Variants in DLGAP2 observed in about 807,000 individuals in gnomAD.
The protein encoded by DLGAP2 is disks large-associated protein 2.
DLGAP2 carries 26 observed loss-of-function variants against 100.3 expected under a neutral mutation model. The observed-to-expected ratio is 0.26, with a 90% confidence interval of 0.19 to 0.36. The LOEUF (loss-of-function observed/expected upper bound fraction) is 0.36. DLGAP2 is among the 10% of genes least tolerant of loss of function. The probability of loss-of-function intolerance (pLI) is 1.00; values close to 1 mark genes in which losing one functional copy is unlikely to be tolerated. For missense variants in DLGAP2, 1,858 were observed against 1,453.2 expected (o/e 1.28, Z -4.53); for synonymous variants, 886 against 630.1 (o/e 1.41, Z -6.08).
At chr8:1,030,487 G>T (rs1035323322) in intron 2 of DLGAP2, among the ~76,000 whole-genome samples, 2 of 152,198 alleles carry the variant, frequency 1.3e-5, no homozygotes, top group Non-Finnish European at 2.9e-5. Context: ...GGTGCTCACG[G>T]ACTCGGCTGT....
intron 3 of DLGAP2, among the ~76,000 whole-genome samples, chr8:1,331,458 G>T (rs531005300): frequency 9.2e-5 from 14 of 152,248 alleles, no homozygotes; most frequent in African/African-American, 3.1e-4. Flanking sequence ...GCACCATGCC[G>T]GGCAAACAAC....
At chr8:830,409 T>A (rs1356564490) in intron 1 of DLGAP2, among the ~76,000 whole-genome samples, 1 of 152,156 alleles carries the variant, frequency 6.6e-6, no homozygotes, top group African/African-American at 2.4e-5. Flanking sequence ...ATTCTTTCCA[T>A]TTTTTTGGAC....
chr8:1,200,319 C>G (rs938517745), intron 2 of DLGAP2, among the ~76,000 whole-genome samples: 43 of 152,362 alleles, frequency 2.8e-4, no homozygotes, highest in African/African-American at 9.9e-4. Flanking sequence ...TCTTTTCTCA[C>G]TGAGCTCAGT....
At chr8:1,165,211 A>G (rs1796991139) in intron 2 of DLGAP2, among the ~76,000 whole-genome samples, 1 of 98,340 alleles carries the variant, frequency 1.0e-5, no homozygotes. Context: ...GTAGAGGGGG[A>G]GATGGGGGGG....
intron 3 of DLGAP2, among the ~76,000 whole-genome samples, chr8:1,472,118 C>T (rs1798819584): frequency 6.6e-6 from 1 of 152,240 alleles, no homozygotes; most frequent in Non-Finnish European, 1.5e-5. Flanking sequence ...ACAAGTGCCC[C>T]TCCACAGTGA....
chr8:1,216,790 C>T (rs756489059), intron 2 of DLGAP2, among the ~76,000 whole-genome samples: 1 of 152,130 alleles, frequency 6.6e-6, no homozygotes, highest in African/African-American at 2.4e-5. Context: ...TTTTCTGAAT[C>T]TGTTATGAAG....
chr8:1,668,882 C>T (rs561193042), intron 9 of DLGAP2, among the ~76,000 whole-genome samples: 5 of 152,322 alleles, frequency 3.3e-5, no homozygotes, highest in East Asian at 1.9e-4. Flanking sequence ...CGAGGTGATG[C>T]GGACCCCAGT....
chr8:1,162,469 T>A lies in DLGAP2; in HGVS notation c.74-96382T>A, dbSNP rs188192158. ...TACTCGTGGAAGAGAAATATGCAAC[T>A]CACTGCTAGCATCACTAGGAACAGA... is the stretch of plus-strand genomic sequence containing the variant. On this transcript the variant is annotated intron_variant, in intron 2 of 14. Transcript: ENST00000637795. 1.8e-3 allele frequency among the ~76,000 whole-genome samples: 269 copies of A among 152,316 alleles called. 2 individuals carry two copies. The highest frequency in any genetic ancestry group is 0.017 in the South Asian group (84 of 4,826).
At chr8:1,332,931 A>G (rs1175697460) in intron 3 of DLGAP2, among the ~76,000 whole-genome samples, 1 of 152,118 alleles carries the variant, frequency 6.6e-6, no homozygotes, top group Non-Finnish European at 1.5e-5. Flanking sequence ...GTTTCCTCAG[A>G]GAGCCCCCAG....
intron 2 of DLGAP2, among the ~76,000 whole-genome samples, chr8:928,965 A>AC (rs773950396): frequency 0.1 from 12,128 of 118,778 alleles, 931 homozygotes; most frequent in Admixed American, 0.22. Context: ...AAAGATGAAG[A>AC]CCCCCCCCGC....
intron 2 of DLGAP2, among the ~76,000 whole-genome samples, chr8:915,803 G>A (rs1267539870): frequency 2.0e-5 from 3 of 151,588 alleles, no homozygotes; most frequent in African/African-American, 4.9e-5. Context: ...TTAACCATGA[G>A]TCCTCCTCAT....
At chr8:1,136,025 C>T (rs1444945153) in intron 2 of DLGAP2, among the ~76,000 whole-genome samples, 1 of 152,196 alleles carries the variant, frequency 6.6e-6, no homozygotes, top group Non-Finnish European at 1.5e-5. Flanking sequence ...AGTCAAGAAG[C>T]TCATTCTCTT....
chr8:772,904 T>G (rs1327401820), intron 1 of DLGAP2, among the ~76,000 whole-genome samples: 1 of 152,148 alleles, frequency 6.6e-6, no homozygotes, highest in Non-Finnish European at 1.5e-5. Flanking sequence ...TGGGTGGTGG[T>G]GTTAGAGCTA....
Position 902,532 on chromosome 8 carries a change from C to T in DLGAP2, c.19-5380C>T, listed in dbSNP as rs539769820. On this transcript the variant is annotated intron_variant, in intron 1 of 14. Coordinates refer to ENST00000637795, the MANE Select transcript of DLGAP2 (RefSeq NM_001346810.2). ...CGTGAGGGTGACTGAGATACAGCCC[C>T]GGCGGCCTTGGGGAGCCGAGAATCA... 5.2e-5 allele frequency among the ~76,000 whole-genome samples: 7 copies of T among 134,910 alleles called. No individual in the cohort carries two copies. The South Asian group carries it at 1.6e-3, about 31-fold the overall frequency. 88.5% of individuals were successfully genotyped at this position (134,910 alleles called of 152,430 possible). A position where few individuals can be genotyped will look rare whatever the true frequency, so the allele number is the denominator to read the frequency against.
intron 3 of DLGAP2, among the ~76,000 whole-genome samples, chr8:1,449,377 T>G (rs1304943884): frequency 6.6e-6 from 1 of 152,192 alleles, no homozygotes; most frequent in African/African-American, 2.4e-5. Flanking sequence ...GCAGGAATTC[T>G]CTCAGAGTTG....
At chr8:764,487 G>A (rs529836306) in intron 1 of DLGAP2, among the ~76,000 whole-genome samples, 2 of 152,282 alleles carry the variant, frequency 1.3e-5, no homozygotes, top group South Asian at 2.1e-4. Context: ...CCATCAATGT[G>A]TCTTCTGACA....
chr8:1,504,890 C>G (rs774070880), intron 4 of DLGAP2, among the ~76,000 whole-genome samples: 1 of 152,150 alleles, frequency 6.6e-6, no homozygotes, highest in African/African-American at 2.4e-5. Context: ...GAAAAATACC[C>G]AGAAGTGGGA....
At position 784,884 on chromosome 8, in the gene DLGAP2, A is replaced by C. The variant is rs183017822; in HGVS notation, c.18+47059A>C. Among the ~76,000 whole-genome samples the C allele has an allele frequency of 3.1e-3, 468 of 152,276 alleles. 2 individuals carry two copies. The highest frequency in any genetic ancestry group is 5.6e-3 in the Non-Finnish European group (378 of 68,030). On this transcript the variant is annotated intron_variant, in intron 1 of 14. Coordinates refer to ENST00000637795, the MANE Select transcript of DLGAP2 (RefSeq NM_001346810.2). The stretch of plus-strand genomic sequence containing the variant: ...ACTTGACCTCAGGAGGTGTGAGAAG[A>C]AAGTTTCTTATTTTACAGCCACTAA...
chr8:766,398 C>G (rs915798493), intron 1 of DLGAP2, among the ~76,000 whole-genome samples: 1 of 152,208 alleles, frequency 6.6e-6, no homozygotes, highest in African/African-American at 2.4e-5. Context: ...CATCCTTCCT[C>G]TATGTGAGCT....
Sources: allele counts gnomAD v4.1 joint callset (sites outside exome capture counted in the v4.1 genomes callset), GRCh38; gene constraint gnomAD v4.1.1; transcripts MANE v1.5; gene names NCBI Gene and HGNC (gene_info 2026-07-23, HGNC 2026-07-21).